The following TBC1D9B variants were observed in gnomAD, a reference collection of about 807,000 sequenced individuals.
TBC1D9B encodes the protein TBC1 domain family, member 9B (with GRAM domain).
Under a neutral mutation model 121.1 loss-of-function variants are expected in TBC1D9B, and 87 were observed. The ratio of observed to expected loss-of-function variants is 0.72; its 90% confidence interval spans 0.60 to 0.86. The LOEUF is 0.86. Ranked by LOEUF, TBC1D9B falls within the 40% of genes least tolerant of loss-of-function variation. The pLI, the probability that TBC1D9B is intolerant of heterozygous loss-of-function variation, is 0.00. For missense variants in TBC1D9B, 1,540 were observed against 1,628.6 expected, an observed-to-expected ratio of 0.95 and a Z score of 0.94; for synonymous variants, 668 against 670.1, an observed-to-expected ratio of 1.00 and a Z score of 0.05.
chr5:179,866,278 C>T (rs143762247), intron 18 of TBC1D9B: 71 of 199,224 alleles, frequency 3.6e-4, no homozygotes, highest in Middle Eastern at 2.0e-3. Context: ...TCAGGGGAAC[C>T]CTAATGACCC....
At position 179,879,203 on chromosome 5, in the gene TBC1D9B, G is replaced by A. The variant is rs746634370; in HGVS notation, c.1417-6C>T. On this transcript the variant is annotated splice_region_variant and splice_polypyrimidine_tract_variant and intron_variant, in intron 8 of 20. Coordinates refer to ENST00000355235, the MANE Select transcript of TBC1D9B (RefSeq NM_015043.4). ...TCTTTCATCTTCTCCTTGGCCTGAG[G>A]GAAAAGCGCATCAGGGAGCCTGGGG... 6 of 1,598,256 alleles carry A rather than the reference G, an allele frequency of 3.8e-6. No homozygotes were observed. In the East Asian group the frequency reaches 1.3e-4, roughly 36 times the overall value.
Position 179,878,435 on chromosome 5 carries a change from C to G in TBC1D9B, c.1656G>C (p.Glu552Asp), listed in dbSNP as rs751632660. 1.2e-5 allele frequency: 20 copies of G among 1,613,160 alleles called. No individual in the cohort carries two copies. Among genetic ancestry groups the G allele is most frequent in the Non-Finnish European group, 1.6e-5 (19 of 1,179,672 alleles). ...STGKYSLATE[E>D]IERDLHRSMP... Reference sequence around the variant, plus strand: ...TGGAGCGGTGCAGGTCTCGCTCGATCTCCTCTGTGGCCAGGCTGTACTTCC... The same window carrying G: ...TGGAGCGGTGCAGGTCTCGCTCGATGTCCTCTGTGGCCAGGCTGTACTTCC... Residue 552 changes from glutamate (E) to aspartate (D), a missense_variant, in exon 10 of 21, where the codon GAG becomes GAC. Coordinates refer to ENST00000355235, the MANE Select transcript of TBC1D9B (RefSeq NM_015043.4).
rs1264997362 is a variant in TBC1D9B at position 179,907,491 on chromosome 5, C to T, written c.118+213G>A. On this transcript the variant is annotated intron_variant, in intron 1 of 20. Transcript: ENST00000355235. The surrounding 1 kb of genome is among the most constrained non-coding windows in gnomAD (Gnocchi z 5.3). ...GGAGAGCCCGCCGAGGGCGCATTCG[C>T]CTCCCGCCAGCCCCTCGCCTCCCCG... 6.6e-6 allele frequency among the ~76,000 whole-genome samples: 1 copy of T among 150,984 alleles called. No homozygotes were observed. The highest frequency in any genetic ancestry group is 2.4e-5 in the African/African-American group (1 of 41,320).
In TBC1D9B at chr5:179,897,312, TTTTC is replaced by T. The variant is rs1456751050; in HGVS notation, c.348+1873_348+1876del. Among the ~76,000 whole-genome samples the T allele has an allele frequency of 4.7e-4, 69 of 147,128 alleles. 1 individual carries two copies. The highest frequency in any genetic ancestry group is 9.6e-4 in the Admixed American group (14 of 14,584). On this transcript the variant is annotated intron_variant, in intron 3 of 20. Transcript: ENST00000355235. ...ATGCAGTAGTATTTCAATCATTTTC[TTTTC>T]TTTTTTTTTTTTTTGAGATGGAGTC...
intron 3 of TBC1D9B, among the ~76,000 whole-genome samples, chr5:179,897,562 T>C (rs1048922799): frequency 6.6e-6 from 1 of 152,144 alleles, no homozygotes; most frequent in Non-Finnish European, 1.5e-5. Flanking sequence ...TGACCTCAAG[T>C]GATCCGCCCG....
In TBC1D9B at chr5:179,878,267, T is replaced by C. The variant is rs1456763064; in HGVS notation, c.1782+42A>G. 8 of 1,575,196 alleles carry C rather than the reference T, an allele frequency of 5.1e-6. No individual in the cohort carries two copies. The African/African-American group carries it at 6.7e-5, about 13-fold the overall frequency. On this transcript the variant is annotated intron_variant, in intron 10 of 20. Transcript: ENST00000355235. Reference sequence around the variant, plus strand: ...ACAGGGACCTGCTCCTGTGAACCTCTGGTGGCAGATGCTGTCTCTGGGCCC... The same window carrying C: ...ACAGGGACCTGCTCCTGTGAACCTCCGGTGGCAGATGCTGTCTCTGGGCCC...
At chr5:179,894,840 C>T (rs1398151718) in intron 3 of TBC1D9B, among the ~76,000 whole-genome samples, 1 of 152,196 alleles carries the variant, frequency 6.6e-6, no homozygotes, top group Non-Finnish European at 1.5e-5. Context: ...CCCGTAACTA[C>T]TGTCATCACC....
intron 3 of TBC1D9B, 137 bp from the exon 4 acceptor site, chr5:179,894,751 G>A: frequency 2.6e-6 from 2 of 762,070 alleles, no homozygotes; most frequent in Non-Finnish European, 4.2e-6. Flanking sequence ...AACAGTCAGT[G>A]GCTCTTGCTG....
In TBC1D9B at chr5:179,878,398, G is replaced by C; in HGVS notation, c.1693C>G (p.Pro565Ala). Residue 565 changes from proline (P) to alanine (A), a missense_variant, in exon 10 of 21, where the codon CCT (proline) becomes GCT (alanine). Transcript: ENST00000355235. The stretch of plus-strand genomic sequence containing the variant: ...ATCCCCAGCTCGTTCTGGAAGGCAG[G>C]GTGCTCGGGCATGGAGCGGTGCAGG... Reference protein sequence around the residue: ...RDLHRSMPEHPAFQNELGIAA... With the variant: ...RDLHRSMPEHAAFQNELGIAA... The C allele has an allele frequency of 1.2e-6, 2 of 1,613,872 alleles. No individual in the cohort carries two copies. The highest frequency in any genetic ancestry group is 1.7e-6 in the Non-Finnish European group (2 of 1,179,946).
At chr5:179,870,653 T>G in intron 15 of TBC1D9B, 158 bp from the exon 16 acceptor site, 2 of 1,140,598 alleles carry the variant, frequency 1.8e-6, no homozygotes, top group Non-Finnish European at 2.4e-6. Context: ...CCGAAAGCTC[T>G]CAGGCTGTCA....
intron 18 of TBC1D9B, chr5:179,867,414 C>T: frequency 1.9e-6 from 3 of 1,547,012 alleles, no homozygotes; most frequent in Non-Finnish European, 2.6e-6. Context: ...TTAGGAGGTA[C>T]AGGGGGCGCC....
At chr5:179,900,278 C>G (rs1314306225) in intron 2 of TBC1D9B, among the ~76,000 whole-genome samples, 1 of 152,194 alleles carries the variant, frequency 6.6e-6, no homozygotes, top group Non-Finnish European at 1.5e-5. Context: ...TTGTTTGCTC[C>G]CATTAAGGAA....
At chr5:179,879,527 C>G (rs1018886460) in intron 8 of TBC1D9B, 101 bp downstream of exon 8, 2 of 1,570,576 alleles carry the variant, frequency 1.3e-6, no homozygotes, top group Non-Finnish European at 1.7e-6. Flanking sequence ...AGCGGTCAGC[C>G]CAGGGCCCTG....
chr5:179,867,705 C>A, intron 18 of TBC1D9B, 73 bp downstream of exon 18: 1 of 1,596,316 alleles, frequency 6.3e-7, no homozygotes, highest in South Asian at 1.1e-5. Context: ...GGCCACTGCC[C>A]GAGCCCCACA....
At chr5:179,877,406 T>A (rs1760390501) in intron 10 of TBC1D9B, among the ~76,000 whole-genome samples, 1 of 151,706 alleles carries the variant, frequency 6.6e-6, no homozygotes, top group African/African-American at 2.4e-5. Context: ...CTCACGCCTG[T>A]AATCCCAGCA....
chr5:179,904,648 C>T lies in TBC1D9B; in HGVS notation c.229+54G>A, dbSNP rs915848842. The T allele has an allele frequency of 3.9e-5, 57 of 1,476,358 alleles. No individual in the cohort carries two copies. The highest frequency in any genetic ancestry group is 4.7e-5 in the Non-Finnish European group (51 of 1,082,530). 91.5% of individuals were successfully genotyped at this position (1,476,358 alleles called of 1,614,324 possible). ...GCTACACACCCCTTCCTCTCGGCAA[C>T]GGCCCTTCCAGGGCAGGCCCTGCCC... On this transcript the variant is annotated intron_variant, in intron 2 of 20. Coordinates refer to ENST00000355235, the MANE Select transcript of TBC1D9B (RefSeq NM_015043.4). This position sits in a 1 kb window ranked among gnomAD's most constrained non-coding sequence, Gnocchi z 4.2.
chr5:179,872,871 CA>C lies in TBC1D9B; in HGVS notation c.2415+20del. 1.3e-6 allele frequency: 2 copies of C among 1,593,654 alleles called. No homozygotes were observed. The highest frequency in any genetic ancestry group is 3.3e-5 in the Admixed American group (2 of 59,742). ...CTGCCCCCCCAGCCCAGCCCCTGCC[CA>C]GCCCTGCTGGCACCCATACCACACT... On this transcript the variant is annotated intron_variant, in intron 14 of 20. Coordinates refer to ENST00000355235, the MANE Select transcript of TBC1D9B (RefSeq NM_015043.4).
At chr5:179,884,419 G>A (rs942954978) in intron 7 of TBC1D9B, 2 of 152,160 alleles carry the variant, frequency 1.3e-5, no homozygotes, top group Non-Finnish European at 2.9e-5. Context: ...TGGTGGTCTG[G>A]CCTCCAACTG....
intron 10 of TBC1D9B, 35 bp from the exon 11 acceptor site, chr5:179,876,072 A>G (rs1341893644): frequency 1.9e-6 from 3 of 1,579,096 alleles, no homozygotes; most frequent in Non-Finnish European, 2.6e-6. Context: ...GAAGGCTTGC[A>G]CTGCTGGCCA....
Sources: gnomAD v4.1 joint callset for allele counts (sites outside exome capture counted in the v4.1 genomes callset) on GRCh38, gnomAD v4.1.1 for gene constraint, Gnocchi (gnomAD v3.1) non-coding constraint, MANE v1.5 for transcripts, NCBI Gene and HGNC (gene_info 2026-07-23, HGNC 2026-07-21) for gene names.